Variants in OPCML observed in about 807,000 individuals in gnomAD.
OPCML encodes opioid-binding protein/cell adhesion molecule.
In OPCML, 13 loss-of-function variants were observed where a neutral mutation model predicts 37.8. That is an observed-to-expected ratio of 0.34 (90% CI 0.22 to 0.55). OPCML has a LOEUF of 0.55. Ranked by LOEUF, OPCML falls within the 20% of genes least tolerant of loss-of-function variation. The pLI is 0.91. For synonymous variants in OPCML, 176 were observed against 168.8 expected (o/e 1.04, Z -0.33); for missense variants, 341 against 435.6 (o/e 0.78, Z 1.93).
chr11:132,944,592 G>C (rs1479118106), intron 1 of OPCML, among the ~76,000 whole-genome samples: 2 of 152,220 alleles, frequency 1.3e-5, no homozygotes, highest in African/African-American at 4.8e-5. Flanking sequence ...AAAAAGCAAG[G>C]GCTGGGAAAA....
intron 1 of OPCML, among the ~76,000 whole-genome samples, chr11:133,494,197 C>T (rs1200849294): frequency 6.6e-6 from 1 of 152,076 alleles, no homozygotes; most frequent in Non-Finnish European, 1.5e-5. Flanking sequence ...CTTAGAATGG[C>T]GATCATTAAA....
At position 132,868,041 on chromosome 11, in the gene OPCML, T is replaced by C. The variant is rs531852917; in HGVS notation, c.146+74885A>G. On this transcript the variant is annotated intron_variant, in intron 2 of 7. Coordinates refer to ENST00000524381, the MANE Select transcript of OPCML (RefSeq NM_001012393.5). ...GATGCAGTAATGCTTTGATATTGTT[T>C]TGTGAAAGGTACTCTGAGAGCGTAA... 2.6e-5 allele frequency among the ~76,000 whole-genome samples: 4 copies of C among 152,300 alleles called. No homozygotes were observed. The South Asian group carries it at 6.2e-4, about 24-fold the overall frequency.
At chr11:133,483,749 G>A (rs1224552561) in intron 1 of OPCML, among the ~76,000 whole-genome samples, 1 of 146,658 alleles carries the variant, frequency 6.8e-6, no homozygotes, top group South Asian at 2.2e-4. Context: ...TAGATTCATA[G>A]ATTCATAGAG....
chr11:132,542,244 G>C (rs2096358368), intron 3 of OPCML, among the ~76,000 whole-genome samples: 1 of 152,174 alleles, frequency 6.6e-6, no homozygotes, highest in Non-Finnish European at 1.5e-5. Context: ...CCTGGGCTGA[G>C]AATTAGGCCA....
intron 1 of OPCML, chr11:133,026,237 G>C (rs755378017): frequency 1.6e-6 from 1 of 635,758 alleles, no homozygotes; most frequent in Non-Finnish European, 2.0e-6. Flanking sequence ...GTCAGTTACA[G>C]AGTTCCGCCT....
intron 2 of OPCML, among the ~76,000 whole-genome samples, chr11:132,839,753 G>A (rs927670751): frequency 6.6e-6 from 1 of 152,186 alleles, no homozygotes; most frequent in African/African-American, 2.4e-5. Flanking sequence ...AGCAACAGAT[G>A]CAAATATGGT....
At chr11:133,129,116 TG>T (rs1375243143) in intron 1 of OPCML, among the ~76,000 whole-genome samples, 5 of 152,032 alleles carry the variant, frequency 3.3e-5, no homozygotes, top group African/African-American at 1.2e-4. Flanking sequence ...CTCTCTGAGT[TG>T]AAGAGATGAA....
At chr11:132,500,541 C>A (rs1405065700) in intron 4 of OPCML, among the ~76,000 whole-genome samples, 2 of 152,150 alleles carry the variant, frequency 1.3e-5, no homozygotes, top group African/African-American at 2.4e-5. Flanking sequence ...TGCTGTAAAT[C>A]CACATGGTTC....
At chr11:132,549,502 C>T (rs576447655) in intron 3 of OPCML, among the ~76,000 whole-genome samples, 151 of 152,336 alleles carry the variant, frequency 9.9e-4, no homozygotes, top group African/African-American at 3.4e-3. Context: ...AATACACTTA[C>T]TTTTGATACA....
intron 2 of OPCML, among the ~76,000 whole-genome samples, chr11:132,769,854 G>C (rs1430584854): frequency 6.6e-6 from 1 of 152,102 alleles, no homozygotes; most frequent in Admixed American, 6.5e-5. Context: ...ACAGGTTATA[G>C]GCATTTACAA....
chr11:132,617,830 A>G (rs2137892470), intron 3 of OPCML, among the ~76,000 whole-genome samples: 1 of 152,308 alleles, frequency 6.6e-6, no homozygotes, highest in Middle Eastern at 3.4e-3. Flanking sequence ...GTTCCGTCAG[A>G]TTGAGGCCCT....
chr11:132,818,363 C>T (rs1939750410), intron 2 of OPCML, among the ~76,000 whole-genome samples: 1 of 152,022 alleles, frequency 6.6e-6, no homozygotes, highest in Non-Finnish European at 1.5e-5. Context: ...GCAAAGTCGA[C>T]TGCCCTCCGT....
intron 1 of OPCML, among the ~76,000 whole-genome samples, chr11:133,511,805 T>C (rs1295849054): frequency 6.6e-6 from 1 of 152,158 alleles, no homozygotes; most frequent in African/African-American, 2.4e-5. Flanking sequence ...TCTCCACTAG[T>C]ATGTAAGCTT....
intron 2 of OPCML, among the ~76,000 whole-genome samples, chr11:132,874,062 TC>T (rs2136403761): frequency 6.6e-6 from 1 of 152,302 alleles, no homozygotes; most frequent in African/African-American, 2.4e-5. Context: ...TTCCTGTTAT[TC>T]CCCATTACGA....
chr11:132,796,576 T>C (rs1938325588), intron 2 of OPCML, among the ~76,000 whole-genome samples: 1 of 133,916 alleles, frequency 7.5e-6, no homozygotes, highest in African/African-American at 3.0e-5. Context: ...TTTTTTTTTT[T>C]TTTTTTTTTT....
chr11:132,527,443 A>G (rs1457432489), intron 4 of OPCML, among the ~76,000 whole-genome samples: 2 of 152,140 alleles, frequency 1.3e-5, no homozygotes, highest in African/African-American at 4.8e-5. Context: ...ATATAACGGT[A>G]TCTCATCTTG....
intron 1 of OPCML, among the ~76,000 whole-genome samples, chr11:133,030,309 A>T (rs1163744731): frequency 1.3e-5 from 2 of 152,226 alleles, no homozygotes; most frequent in Non-Finnish European, 2.9e-5. Context: ...GTGGGTAACA[A>T]TGTATGCCTC....
At chr11:132,855,628 G>A (rs1027659737) in intron 2 of OPCML, among the ~76,000 whole-genome samples, 9 of 152,150 alleles carry the variant, frequency 5.9e-5, no homozygotes, top group Non-Finnish European at 8.8e-5. Flanking sequence ...GTGAGCTACT[G>A]TGGAAGCTAT....
intron 1 of OPCML, chr11:133,009,006 T>C (rs1225733766): frequency 2.0e-6 from 2 of 985,344 alleles, no homozygotes; most frequent in Non-Finnish European, 2.4e-6. Flanking sequence ...GATTAATCTC[T>C]ATTTGACATC....
Sources: allele counts gnomAD v4.1 joint callset (sites outside exome capture counted in the v4.1 genomes callset), GRCh38; gene constraint gnomAD v4.1.1; transcripts MANE v1.5; gene names NCBI Gene and HGNC (gene_info 2026-07-23, HGNC 2026-07-21).